Variants in STPG2 observed in about 807,000 individuals in gnomAD.
The protein encoded by STPG2 is sperm tail PG-rich repeat containing 2.
A neutral mutation model predicts 54.2 loss-of-function variants in STPG2; 56 were observed. The ratio of observed to expected loss-of-function variants is 1.03; its 90% CI spans 0.83 to 1.29. The LOEUF (loss-of-function observed/expected upper bound fraction) is 1.29. STPG2 is among the 50% of genes most tolerant of loss of function. The pLI is 0.00. For missense variants in STPG2, 596 were observed against 544.9 expected (o/e 1.09, Z -0.93); for synonymous variants, 200 against 181.8 (o/e 1.10, Z -0.81).
At chr4:98,079,056 C>T (rs988143156) in intron 5 of STPG2, among the ~76,000 whole-genome samples, 1 of 152,076 alleles carries the variant, frequency 6.6e-6, no homozygotes, top group Non-Finnish European at 1.5e-5. Context: ...TGGCCCATGC[C>T]TAATTTACAA....
chr4:98,111,885 G>A (rs1012724509), intron 3 of STPG2, among the ~76,000 whole-genome samples: 10 of 151,884 alleles, frequency 6.6e-5, no homozygotes, highest in African/African-American at 1.9e-4. Flanking sequence ...TCCTACCTTC[G>A]GACATCAGAA....
At chr4:97,634,256 C>T (rs959642256) in intron 10 of STPG2, among the ~76,000 whole-genome samples, 81 of 152,190 alleles carry the variant, frequency 5.3e-4, no homozygotes, top group South Asian at 2.5e-3. Flanking sequence ...CTTCAGGGTA[C>T]TCCAACAGAC....
intron 10 of STPG2, among the ~76,000 whole-genome samples, chr4:97,683,986 T>C (rs1045174396): frequency 6.6e-6 from 1 of 151,778 alleles, no homozygotes; most frequent in Non-Finnish European, 1.5e-5. Flanking sequence ...AATTTATAAA[T>C]TAAAACACAA....
intron 8 of STPG2, among the ~76,000 whole-genome samples, chr4:97,923,494 T>C (rs978682049): frequency 1.1e-4 from 17 of 152,266 alleles, no homozygotes; most frequent in African/African-American, 4.1e-4. Context: ...CTGAGTCTAG[T>C]GGGGACTTGG....
intron 9 of STPG2, among the ~76,000 whole-genome samples, chr4:97,806,992 T>G (rs967455834): frequency 2.0e-5 from 3 of 152,082 alleles, no homozygotes; most frequent in African/African-American, 7.2e-5. Context: ...TAGAATAAAC[T>G]GTTCAATTTT....
At chr4:97,550,481 T>C (rs987688591) in intron 4 of STPG2, among the ~76,000 whole-genome samples, 2 of 152,146 alleles carry the variant, frequency 1.3e-5, no homozygotes, top group Non-Finnish European at 2.9e-5. Flanking sequence ...GGGCTTATAA[T>C]ACGGAATAGC....
Position 97,587,731 on chromosome 4 carries a change from C to T in STPG2, c.1321-28614G>A, listed in dbSNP as rs185639784. 3.3e-5 allele frequency among the ~76,000 whole-genome samples: 5 copies of T among 151,998 alleles called. No homozygotes were observed. The East Asian group carries it at 9.7e-4, about 29-fold the overall frequency. On this transcript the variant is annotated intron_variant, in intron 10 of 10. Coordinates refer to ENST00000295268, the MANE Select transcript of STPG2 (RefSeq NM_174952.3). Reference sequence around the variant, plus strand: ...TTCTCACATCCAGTTCAAGGCCCCACCCCTATTATAACTCTGGCCCCAACA... The same window carrying T: ...TTCTCACATCCAGTTCAAGGCCCCATCCCTATTATAACTCTGGCCCCAACA...
intron 10 of STPG2, among the ~76,000 whole-genome samples, chr4:97,709,244 A>T (rs1294010692): frequency 6.6e-6 from 1 of 151,750 alleles, no homozygotes; most frequent in Non-Finnish European, 1.5e-5. Context: ...TGACTTTAAC[A>T]AAAAGGTGTT....
chr4:98,020,722 C>T (rs1036488053), intron 5 of STPG2, among the ~76,000 whole-genome samples: 42 of 152,264 alleles, frequency 2.8e-4, no homozygotes, highest in African/African-American at 7.9e-4. Context: ...TTCAGAGATT[C>T]AACTTCTTCC....
chr4:97,685,410 A>C (rs1578478914), intron 10 of STPG2, among the ~76,000 whole-genome samples: 1 of 152,256 alleles, frequency 6.6e-6, no homozygotes, highest in African/African-American at 2.4e-5. Context: ...CTATGGGAAG[A>C]CATGGGGGAA....
chr4:97,617,086 G>C (rs554425452), intron 10 of STPG2, among the ~76,000 whole-genome samples: 7 of 151,788 alleles, frequency 4.6e-5, no homozygotes, highest in Non-Finnish European at 8.8e-5. Context: ...ATGAAGGCTA[G>C]AAAGAATTAG....
At chr4:97,633,247 A>T (rs1024416792) in intron 10 of STPG2, among the ~76,000 whole-genome samples, 1 of 152,170 alleles carries the variant, frequency 6.6e-6, no homozygotes, top group African/African-American at 2.4e-5. Flanking sequence ...ACAAAACTTT[A>T]ACGTTTTATT....
At chr4:97,867,658 C>A (rs567887983) in intron 8 of STPG2, among the ~76,000 whole-genome samples, 1 of 152,120 alleles carries the variant, frequency 6.6e-6, no homozygotes, top group South Asian at 2.1e-4. Context: ...TATCACACAA[C>A]ATGACAACGG....
At chr4:97,547,489 C>A (rs926830232) in intron 4 of STPG2, among the ~76,000 whole-genome samples, 1 of 152,164 alleles carries the variant, frequency 6.6e-6, no homozygotes, top group African/African-American at 2.4e-5. Context: ...GGATTACAGG[C>A]GTGAGCCACC....
At chr4:97,898,879 AT>A (rs1460651405) in intron 8 of STPG2, among the ~76,000 whole-genome samples, 1 of 151,792 alleles carries the variant, frequency 6.6e-6, no homozygotes, top group Non-Finnish European at 1.5e-5. Context: ...TATTTGTATA[AT>A]GAAAATGAAA....
chr4:97,824,212 GA>G (rs1728180711), intron 9 of STPG2, among the ~76,000 whole-genome samples: 1 of 152,070 alleles, frequency 6.6e-6, no homozygotes, highest in Non-Finnish European at 1.5e-5. Context: ...TGGCTGCAGT[GA>G]ATGGGTCTTT....
At chr4:98,013,019 G>A (rs1273036475) in intron 5 of STPG2, among the ~76,000 whole-genome samples, 2 of 152,184 alleles carry the variant, frequency 1.3e-5, no homozygotes, top group Non-Finnish European at 2.9e-5. Context: ...GGGCATTTTT[G>A]TCTCATGCTG....
intron 9 of STPG2, among the ~76,000 whole-genome samples, chr4:97,832,288 A>G (rs1007035678): frequency 3.3e-5 from 5 of 152,200 alleles, no homozygotes; most frequent in South Asian, 4.1e-4. Flanking sequence ...AATTAGCTCA[A>G]TAGATGCAGA....
chr4:97,587,941 A>G (rs1733042418), intron 10 of STPG2, among the ~76,000 whole-genome samples: 1 of 152,040 alleles, frequency 6.6e-6, no homozygotes, highest in African/African-American at 2.4e-5. Context: ...ATCTTCAGGT[A>G]GTTTTCATCA....
Sources: allele counts gnomAD v4.1 joint callset (sites outside exome capture counted in the v4.1 genomes callset), GRCh38; gene constraint gnomAD v4.1.1; transcripts MANE v1.5; gene names NCBI Gene and HGNC (gene_info 2026-07-23, HGNC 2026-07-21).